DAB2IP: variants seen among roughly 807,000 people sequenced by gnomAD.
The protein encoded by DAB2IP is disabled homolog 2-interacting protein.
Under a neutral mutation model 107.2 loss-of-function variants are expected in DAB2IP, and 28 were observed. The ratio of observed to expected loss-of-function variants is 0.26; its 90% CI spans 0.19 to 0.36. DAB2IP has a LOEUF of 0.36. DAB2IP is among the 10% of genes least tolerant of loss of function. The pLI, the probability that DAB2IP is intolerant of heterozygous loss-of-function variation, is 1.00. For synonymous variants in DAB2IP, 755 were observed against 706.4 expected (o/e 1.07, Z -1.09); for missense variants, 1,400 against 1,644.7 (o/e 0.85, Z 2.57).
intron 2 of DAB2IP, among the ~76,000 whole-genome samples, chr9:121,696,170 C>A (rs1829418574): frequency 6.6e-6 from 1 of 152,166 alleles, no homozygotes; most frequent in African/African-American, 2.4e-5. Flanking sequence ...TGCCTGGCAA[C>A]TTTATCCACT....
chr9:121,610,644 G>A (rs1004215846), intron 1 of DAB2IP, among the ~76,000 whole-genome samples: 1 of 152,174 alleles, frequency 6.6e-6, no homozygotes, highest in African/African-American at 2.4e-5. Flanking sequence ...CAGCACGTGA[G>A]GGGTGGGAAG....
chr9:121,707,033 A>G (rs1052788355), intron 3 of DAB2IP, among the ~76,000 whole-genome samples: 4 of 152,280 alleles, frequency 2.6e-5, no homozygotes, highest in East Asian at 3.9e-4. Context: ...TTGCCCAAGG[A>G]GTAAGACCTC....
chr9:121,758,719 T>A (rs547003642), intron 4 of DAB2IP, among the ~76,000 whole-genome samples, 179 bp from the exon 5 acceptor site: 33 of 152,284 alleles, frequency 2.2e-4, no homozygotes, highest in African/African-American at 7.2e-4. Flanking sequence ...GGCTCTCAAG[T>A]GTACCACCTG....
chr9:121,624,175 C>T lies in DAB2IP; in HGVS notation c.41-54503C>T, dbSNP rs76537756. ...AGGTGTCACCTTCTCCATGAAGCAG[C>T]TTTTCCAGGCAGAGTCTATGGTTGT... On this transcript the variant is annotated intron_variant, in intron 1 of 16. Coordinates refer to the DAB2IP transcript ENST00000259371. Among the ~76,000 whole-genome samples, 55 of 152,328 alleles carry T rather than the reference C, an allele frequency of 3.6e-4. No homozygotes were observed. The East Asian group carries it at 9.7e-3, about 27-fold the overall frequency.
intron 2 of DAB2IP, 53 bp downstream of exon 2, chr9:121,678,834 G>A (rs1828415338): frequency 4.8e-6 from 7 of 1,472,690 alleles, no homozygotes; most frequent in South Asian, 1.3e-5. Flanking sequence ...TCACCACCTC[G>A]CCCGGGGTGC....
chr9:121,763,973 C>G, intron 8 of DAB2IP, 94 bp downstream of exon 8: 1 of 1,543,058 alleles, frequency 6.5e-7, no homozygotes, highest in East Asian at 2.3e-5. Flanking sequence ...CTGCCTGGCC[C>G]CTGAGTTGTA....
intron 6 of DAB2IP, among the ~76,000 whole-genome samples, chr9:121,763,100 G>A (rs1361270870): frequency 1.3e-5 from 2 of 152,240 alleles, no homozygotes; most frequent in African/African-American, 2.4e-5. Context: ...ATGAGACAGG[G>A]CAGCCTCATT....
At chr9:121,604,878 G>A (rs558866109) in intron 1 of DAB2IP, among the ~76,000 whole-genome samples, 2 of 152,262 alleles carry the variant, frequency 1.3e-5, no homozygotes, top group East Asian at 3.9e-4. Context: ...TCCAACTGCC[G>A]TGCCTGCACC....
Position 121,635,381 on chromosome 9 carries a change from T to TCA in DAB2IP, c.41-43296_41-43295insAC, listed in dbSNP as rs531748490. Among the ~76,000 whole-genome samples the TCA allele has an allele frequency of 1.2e-3, 177 of 152,266 alleles. No individual in the cohort carries two copies. The highest frequency in any genetic ancestry group is 1.8e-3 in the Admixed American group (28 of 15,294). ...TATTTTACCACCAGGAGCACCAAGTTCTAGAGTAAATCTGTGAAGGGCTCA... is the reference window on the plus strand; with the variant it reads ...TATTTTACCACCAGGAGCACCAAGTTCACTAGAGTAAATCTGTGAAGGGCTCA... On this transcript the variant is annotated intron_variant, in intron 1 of 16. Transcript: ENST00000259371. The surrounding 1 kb of genome is among the most constrained non-coding windows in gnomAD (Gnocchi z 4.3).
intron 1 of DAB2IP, among the ~76,000 whole-genome samples, chr9:121,583,062 A>G (rs1198021424): frequency 6.6e-6 from 1 of 152,252 alleles, no homozygotes; most frequent in Non-Finnish European, 1.5e-5. Flanking sequence ...AGGAGCCACG[A>G]AAACAGAACA....
exon 10 of DAB2IP, chr9:121,768,614 C>T (rs1411497791): frequency 1.9e-6 from 3 of 1,613,770 alleles, no homozygotes; most frequent in African/African-American, 2.7e-5. Flanking sequence ...CTCTGGGAGG[C>T]CGTCAGCCAG....
intron 1 of DAB2IP, among the ~76,000 whole-genome samples, chr9:121,672,550 T>C (rs561013728): frequency 4.6e-5 from 7 of 152,344 alleles, no homozygotes; most frequent in African/African-American, 1.7e-4. Context: ...TTTCTCCAGC[T>C]GTGGCTTCCA....
intron 9 of DAB2IP, 36 bp from the exon 10 acceptor site, chr9:121,768,396 G>A: frequency 6.2e-7 from 1 of 1,610,616 alleles, no homozygotes; most frequent in East Asian, 2.2e-5. Flanking sequence ...GGCCTGCCTG[G>A]GCCCAGTAGT....
rs1171170633 is a variant in DAB2IP at position 121,702,611 on chromosome 9, G to A, written c.362+3153G>A. Among the ~76,000 whole-genome samples, 1 of 152,158 alleles carries A rather than the reference G, an allele frequency of 6.6e-6. No homozygotes were observed. The highest frequency in any genetic ancestry group is 1.5e-5 in the Non-Finnish European group (1 of 68,034). ...TTGGAGCGCTTTCCAGGTGAAAGGT[G>A]TGCCGGCAAAAGCATTTTCATTTTG... is the stretch of plus-strand genomic sequence containing the variant. On this transcript the variant is annotated intron_variant, in intron 3 of 15. Coordinates refer to ENST00000408936, the Ensembl canonical transcript of DAB2IP. The surrounding 1 kb of genome is among the most constrained non-coding windows in gnomAD (Gnocchi z 4.5).
rs1057114881 is a variant in DAB2IP, at chr9:121,651,797, A to T, written c.22A>T (p.Arg8Trp). The T allele has an allele frequency of 1.4e-6, 2 of 1,433,304 alleles. No individual in the cohort carries two copies. Among genetic ancestry groups the T allele is most frequent in the Non-Finnish European group, 1.8e-6 (2 of 1,088,342 alleles). 88.8% of individuals were successfully genotyped at this position (1,433,304 alleles called of 1,614,324 possible). Residue 8 changes from arginine to tryptophan, a missense_variant, in exon 1 of 16, where the codon AGG becomes TGG. Arg to Trp is a moderately radical substitution (Grantham distance 101, BLOSUM62 -3). Transcript: ENST00000408936. The surrounding 1 kb of genome is among the most constrained non-coding windows in gnomAD (Gnocchi z 5.1). ...CAGCATGTCCGCGGGCGGCAGCGCC[A>T]GGAAGAGCACCGGGAGGTCCTCCTA...
chr9:121,582,774 C>T (rs980789775), intron 1 of DAB2IP, among the ~76,000 whole-genome samples: 9 of 152,256 alleles, frequency 5.9e-5, no homozygotes, highest in African/African-American at 2.2e-4. Flanking sequence ...TCCCTACGTG[C>T]ATTCATTCCC....
At chr9:121,607,368 A>G (rs1054862894) in intron 1 of DAB2IP, among the ~76,000 whole-genome samples, 2 of 152,086 alleles carry the variant, frequency 1.3e-5, no homozygotes, top group South Asian at 2.1e-4. Flanking sequence ...CAGTGCCACA[A>G]TCATGGCTCA....
intron 3 of DAB2IP, among the ~76,000 whole-genome samples, chr9:121,740,257 A>C (rs939090024): frequency 2.0e-5 from 3 of 152,132 alleles, no homozygotes; most frequent in African/African-American, 7.2e-5. Context: ...GAGCGCCGAT[A>C]GGCCCCCCAC....
At chr9:121,653,036 G>A (rs1418492817) in intron 1 of DAB2IP, among the ~76,000 whole-genome samples, 1 of 152,130 alleles carries the variant, frequency 6.6e-6, no homozygotes, top group Non-Finnish European at 1.5e-5. Flanking sequence ...ACAGGTGTGT[G>A]CTGGTAGTTC....
Sources: allele counts gnomAD v4.1 joint callset (sites outside exome capture counted in the v4.1 genomes callset), GRCh38; gene constraint gnomAD v4.1.1; non-coding constraint Gnocchi (gnomAD v3.1); transcripts MANE v1.5; gene names NCBI Gene and HGNC (gene_info 2026-07-23, HGNC 2026-07-21).